Variants in BST1 observed in about 807,000 individuals in gnomAD.
The protein encoded by BST1 is ADP-ribosyl cyclase/cyclic ADP-ribose hydrolase 2.
In BST1, 49 loss-of-function variants were observed where a neutral mutation model predicts 40.6. The ratio of observed to expected loss-of-function variants is 1.21; its 90% CI spans 0.96 to 1.53. The LOEUF is 1.53. Among genes scored for constraint, BST1 ranks in the 40% most tolerant of loss-of-function variants. The pLI is 0.00. For missense variants in BST1, 423 were observed against 395.9 expected (o/e 1.07, Z -0.58); for synonymous variants, 157 against 159.3 (o/e 0.99, Z 0.11).
At chr4:15,754,283 C>A in the BST1 span, among the ~76,000 whole-genome samples, 1 of 152,066 alleles carries the variant, frequency 6.6e-6, no homozygotes, top group Non-Finnish European at 1.5e-5. Flanking sequence ...CTTCATGAGT[C>A]GCTAAAGTAG....
the BST1 span, among the ~76,000 whole-genome samples, chr4:15,772,516 T>C: frequency 6.6e-6 from 1 of 152,210 alleles, no homozygotes; most frequent in African/African-American, 2.4e-5. Context: ...GCTGCCAACC[T>C]AGCCTTGTGC....
At chr4:15,724,658 C>T (rs1446290014) in intron 8 of BST1, among the ~76,000 whole-genome samples, 1 of 151,874 alleles carries the variant, frequency 6.6e-6, no homozygotes, top group African/African-American at 2.4e-5. Context: ...TGCACTCCAG[C>T]CCAGTCAACA....
At chr4:15,773,747 G>A in the BST1 span, among the ~76,000 whole-genome samples, 35 of 152,294 alleles carry the variant, frequency 2.3e-4, no homozygotes, top group African/African-American at 5.8e-4. Context: ...AGTGAGCCAC[G>A]GGCTCAGCAC....
At chr4:15,715,576 T>C in intron 5 of BST1, 131 bp from the exon 6 acceptor site, 1 of 839,316 alleles carries the variant, frequency 1.2e-6, no homozygotes, top group East Asian at 2.7e-5. Context: ...AAAAGTAACC[T>C]AAAAATAAAA....
intron 8 of BST1, among the ~76,000 whole-genome samples, chr4:15,725,075 A>T (rs2148892379): frequency 6.6e-6 from 1 of 152,240 alleles, no homozygotes; most frequent in East Asian, 1.9e-4. Flanking sequence ...ACTGAGAGAG[A>T]AATAAACATC....
In BST1 at chr4:15,708,575, T is replaced by A. The variant is rs929111321; in HGVS notation, c.451+929T>A. On this transcript the variant is annotated intron_variant, in intron 3 of 8. Coordinates refer to ENST00000265016, the MANE Select transcript of BST1 (RefSeq NM_004334.3). ...GATCCTTCCTGGGTATCAGAGTTAC[T>A]TCAAAAGTTAACCTAATATCAGGCC... Among the ~76,000 whole-genome samples the A allele has an allele frequency of 3.3e-5, 5 of 152,108 alleles. 1 individual carries two copies. Among genetic ancestry groups the A allele is most frequent in the Admixed American group, 2.0e-4 (3 of 15,262 alleles).
At chr4:15,742,470 A>G (rs1314117224), downstream of BST1, among the ~76,000 whole-genome samples, 1 of 152,234 alleles carries the variant, frequency 6.6e-6, no homozygotes, top group African/African-American at 2.4e-5. Context: ...GGCCCTCACC[A>G]GATACAGATG....
At chr4:15,720,950 C>T (rs10001565) in intron 7 of BST1, among the ~76,000 whole-genome samples, 25,659 of 152,218 alleles carry the variant, frequency 0.17, 3,428 homozygotes, top group African/African-American at 0.37. Flanking sequence ...TTATAATAGC[C>T]GGGCCAGAGC....
downstream of BST1, chr4:15,743,253 G>A (rs10029466): frequency 0.02 from 4,435 of 218,952 alleles, 209 homozygotes; most frequent in African/African-American, 0.099. Flanking sequence ...TCAAGACAAA[G>A]TTTTTGACAC....
chr4:15,753,324 G>A, the BST1 span, among the ~76,000 whole-genome samples: 1 of 152,266 alleles, frequency 6.6e-6, no homozygotes, highest in East Asian at 1.9e-4. Flanking sequence ...TCCATTTGTG[G>A]GAGGGATTTT....
At chr4:15,724,984 A>T (rs1172596244) in intron 8 of BST1, among the ~76,000 whole-genome samples, 1 of 152,172 alleles carries the variant, frequency 6.6e-6, no homozygotes, top group East Asian at 1.9e-4. Context: ...AGCGTCTTCA[A>T]CTGGGCGTGG....
intron 3 of BST1, among the ~76,000 whole-genome samples, chr4:15,709,115 A>T (rs543470833): frequency 6.6e-6 from 1 of 152,328 alleles, no homozygotes; most frequent in African/African-American, 2.4e-5. Flanking sequence ...TATAAGGGCT[A>T]TGGAGAAAAT....
At chr4:15,761,966 G>C in the BST1 span, among the ~76,000 whole-genome samples, 1 of 151,668 alleles carries the variant, frequency 6.6e-6, no homozygotes, top group South Asian at 2.1e-4. Flanking sequence ...TTGGGAGGCC[G>C]AGACAGGCCG....
intron 8 of BST1, 122 bp from the exon 9 acceptor site, chr4:15,731,618 T>C (rs1222591444): frequency 7.4e-7 from 1 of 1,343,854 alleles, no homozygotes; most frequent in Non-Finnish European, 1.0e-6. Flanking sequence ...CGGGAGACTT[T>C]GCTGCTCATG....
intron 8 of BST1, among the ~76,000 whole-genome samples, chr4:15,727,129 T>A (rs1434053261): frequency 6.6e-6 from 1 of 152,160 alleles, no homozygotes; most frequent in Non-Finnish European, 1.5e-5. Flanking sequence ...ATGCTGAGGT[T>A]CAGAAGGATT....
At chr4:15,720,880 T>C (rs1720772444) in intron 7 of BST1, among the ~76,000 whole-genome samples, 1 of 152,154 alleles carries the variant, frequency 6.6e-6, no homozygotes, top group Non-Finnish European at 1.5e-5. Flanking sequence ...TGGAGAAAAT[T>C]GTAGCTAAAA....
chr4:15,732,850 C>T (rs569815287), downstream of BST1: 1 of 152,666 alleles, frequency 6.6e-6, no homozygotes, highest in East Asian at 1.9e-4. Flanking sequence ...TTGCTGACTT[C>T]AAGAATGAAG....
intron 1 of BST1, chr4:15,705,015 G>T (rs1413522606): frequency 4.0e-6 from 3 of 740,836 alleles, no homozygotes; most frequent in Admixed American, 1.9e-5. Flanking sequence ...TTGAAAACTA[G>T]CATGGACCTC....
At chr4:15,729,283 C>T (rs1057334251) in intron 8 of BST1, among the ~76,000 whole-genome samples, 1 of 152,130 alleles carries the variant, frequency 6.6e-6, no homozygotes, top group African/African-American at 2.4e-5. Flanking sequence ...GAGACCCCGC[C>T]TCTACAAGCA....
Sources: gnomAD v4.1 joint callset for allele counts (sites outside exome capture counted in the v4.1 genomes callset) on GRCh38, gnomAD v4.1.1 for gene constraint, MANE v1.5 for transcripts, NCBI Gene and HGNC (gene_info 2026-07-23, HGNC 2026-07-21) for gene names.